The following PRSS16 variants were observed in gnomAD, a reference collection of about 807,000 sequenced individuals.
PRSS16 encodes serine protease 16.
PRSS16 carries 43 observed loss-of-function variants against 61.7 expected under a neutral mutation model. That is an observed-to-expected ratio of 0.70 (90% CI 0.55 to 0.90). The LOEUF (loss-of-function observed/expected upper bound fraction) is 0.90, where lower values mean the gene tolerates loss of function less well. PRSS16 is among the 40% of genes least tolerant of loss of function. PRSS16 has a pLI of 0.00. For synonymous variants in PRSS16, 273 were observed against 285.2 expected (o/e 0.96, Z 0.43); for missense variants, 591 against 659.1 (o/e 0.90, Z 1.13).
intron 9 of PRSS16, 178 bp downstream of exon 9, chr6:27,253,127 C>T (rs1473117687): frequency 1.1e-5 from 8 of 713,766 alleles, no homozygotes; most frequent in Non-Finnish European, 1.9e-5. Context: ...GTGCTTGGCC[C>T]TCACATGCCT....
rs373151700 is a variant in PRSS16 at position 27,247,862 on chromosome 6, C to G, written c.71-20C>G. 6.2e-6 allele frequency: 10 copies of G among 1,612,390 alleles called. No individual in the cohort carries two copies. The highest frequency in any genetic ancestry group is 8.5e-6 in the Non-Finnish European group (10 of 1,179,286). On this transcript the variant is annotated intron_variant, in intron 1 of 11. Transcript: ENST00000230582. ...ATCCTAAGGGGGCCAGCCTGACTTC[C>G]TTCCCTCCATGTCCCACAGCCTCCC... is the stretch of plus-strand genomic sequence containing the variant.
chr6:27,252,032 G>T lies in PRSS16; in HGVS notation c.1000G>T (p.Ala334Ser), dbSNP rs913362432. 4 of 1,536,258 alleles carry T rather than the reference G, an allele frequency of 2.6e-6. No individual in the cohort carries two copies. The highest frequency in any genetic ancestry group is 3.5e-6 in the Non-Finnish European group (4 of 1,145,346). Residue 334 changes from alanine (A) to serine (S), a missense_variant, in exon 8 of 12, where the codon GCG becomes TCG. Coordinates refer to ENST00000230582, the MANE Select transcript of PRSS16 (RefSeq NM_005865.4). This position sits in a 1 kb window ranked among gnomAD's most constrained non-coding sequence, Gnocchi z 4.2. ...CACGCCCTACTGCGGGCTTCGTCGG[G>T]CGGTGCAGGTGAGCACTCCCTGGCA... ...HSTPYCGLRR[A>S]VQIVLHSLGQ...
At position 27,251,896 on chromosome 6, in the gene PRSS16, G is replaced by A. The variant is rs775040643; in HGVS notation, c.864G>A (p.Leu288=). Residue 288 remains leucine (L), a synonymous_variant, in exon 8 of 12, where the codon CTG becomes CTA. Transcript: ENST00000230582. The surrounding 1 kb of genome is among the most constrained non-coding windows in gnomAD (Gnocchi z 5.6). The part of the protein sequence containing the change: ...AENQAELLGA[L]QALVGGVVQY... ...ACCAGGCGGAGCTGTTGGGGGCGCT[G>A]CAGGCACTGGTGGGAGGTGTAGTGC... 8.1e-6 allele frequency: 13 copies of A among 1,613,406 alleles called. No individual in the cohort carries two copies. The highest frequency in any genetic ancestry group is 1.1e-5 in the Non-Finnish European group (13 of 1,179,802).
At position 27,249,133 on chromosome 6, in the gene PRSS16, C is replaced by G; in HGVS notation, c.371C>G (p.Ala124Gly). ...GCAGCCTTGGCCCCAGCCTGGGGCG[C>G]CCTGGTGATAAGCCTGGAACACAGA... ...HPAALAPAWGALVISLEHRFY... is the reference protein window; with the variant it reads ...HPAALAPAWGGLVISLEHRFY... Residue 124 changes from alanine to glycine, a missense_variant, in exon 4 of 12, where the codon GCC becomes GGC. Ala to Gly is a moderately conservative substitution (Grantham distance 60). Coordinates refer to ENST00000230582, the MANE Select transcript of PRSS16 (RefSeq NM_005865.4). 16 of 1,602,112 alleles carry G rather than the reference C, an allele frequency of 1.0e-5. No individual in the cohort carries two copies. The highest frequency in any genetic ancestry group is 1.4e-5 in the Non-Finnish European group (16 of 1,175,486).
At chr6:27,250,609 G>A (rs1759856567) in intron 4 of PRSS16, 74 bp from the exon 5 acceptor site, 1 of 1,506,612 alleles carries the variant, frequency 6.6e-7, no homozygotes, top group East Asian at 2.4e-5. Flanking sequence ...CTGGATCCGG[G>A]TTTCCCCCAG....
chr6:27,248,858 G>A lies in PRSS16; in HGVS notation c.249G>A (p.Val83=). Residue 83 remains valine (V), a synonymous_variant, in exon 3 of 12, where the codon GTG becomes GTA. Coordinates refer to ENST00000230582, the MANE Select transcript of PRSS16 (RefSeq NM_005865.4). ...ATCCCACCTCTCAGCGTTACTGGGTGAATGACCAACATTGGGTTGGCCAGG... is the reference window on the plus strand; with the variant it reads ...ATCCCACCTCTCAGCGTTACTGGGTAAATGACCAACATTGGGTTGGCCAGG... ...DRRSFLQRYW[V]NDQHWVGQDG... is the part of the protein sequence containing the mutation. The A allele has an allele frequency of 6.2e-7, 1 of 1,609,104 alleles. No individual in the cohort carries two copies. The highest frequency in any genetic ancestry group is 8.5e-7 in the Non-Finnish European group (1 of 1,177,162).
rs1410189107 is a variant in PRSS16, at chr6:27,251,912, G to A, written c.880G>A (p.Gly294Ser). The change falls in exon 8 of 12, where the codon GGT (glycine) becomes AGT (serine). Residue 294 changes from glycine to serine, a missense_variant. Physicochemically the swap from Gly to Ser is moderately conservative, Grantham distance 56. Transcript: ENST00000230582. The surrounding 1 kb of genome is among the most constrained non-coding windows in gnomAD (Gnocchi z 5.6). Reference sequence around the variant, plus strand: ...GGGGGCGCTGCAGGCACTGGTGGGAGGTGTAGTGCAGTATGATGGGCAGAC... The same window carrying A: ...GGGGGCGCTGCAGGCACTGGTGGGAAGTGTAGTGCAGTATGATGGGCAGAC... ...LLGALQALVG[G>S]VVQYDGQTGA... 1.9e-6 allele frequency: 3 copies of A among 1,613,310 alleles called. No homozygotes were observed. Among genetic ancestry groups the A allele is most frequent in the Non-Finnish European group, 1.7e-6 (2 of 1,179,800 alleles).
In PRSS16 at chr6:27,250,813, C is replaced by A. The variant is rs771687978; in HGVS notation, c.591+7C>A. On this transcript the variant is annotated splice_region_variant and intron_variant, in intron 5 of 11. Coordinates refer to ENST00000230582, the MANE Select transcript of PRSS16 (RefSeq NM_005865.4). The stretch of plus-strand genomic sequence containing the variant: ...CGCCTGGGCCCGGCTGAAGGTCCTG[C>A]GACTCCTCCGGGTGGGCTGGGGGGA... 1.2e-6 allele frequency: 2 copies of A among 1,603,426 alleles called. No individual in the cohort carries two copies. The highest frequency in any genetic ancestry group is 1.7e-5 in the Admixed American group (1 of 58,928).
Position 27,247,766 on chromosome 6 carries a change from G to T in PRSS16, c.29G>T (p.Gly10Val). Residue 10 changes from glycine (G) to valine (V), a missense_variant, in exon 1 of 12, where the codon GGC becomes GTC. By Grantham distance (109) the Gly-to-Val change is moderately radical. Transcript: ENST00000230582. The stretch of plus-strand genomic sequence containing the variant: ...GCCGTCTGGCTTGCCCAGTGGCTGG[G>T]CCCTCTGCTCTTGGTTTCCCTCTGG... MAVWLAQWL[G>V]PLLLVSLWGL... 6.3e-7 allele frequency: 1 copy of T among 1,591,870 alleles called. No individual in the cohort carries two copies. Among genetic ancestry groups the T allele is most frequent in the Non-Finnish European group, 8.6e-7 (1 of 1,169,546 alleles).
At position 27,251,997 on chromosome 6, in the gene PRSS16, G is replaced by A. The variant is rs201343810; in HGVS notation, c.965G>A (p.Arg322His). Residue 322 changes from arginine to histidine, a missense_variant, in exon 8 of 12, where the codon CGC becomes CAC. Transcript: ENST00000230582. The surrounding 1 kb of genome is among the most constrained non-coding windows in gnomAD (Gnocchi z 5.6). ...CTTCTCCTCGGGGGCGGGGGCAACCGCAGCCACTCCACGCCCTACTGCGGG... is the reference window on the plus strand; with the variant it reads ...CTTCTCCTCGGGGGCGGGGGCAACCACAGCCACTCCACGCCCTACTGCGGG... The part of the protein sequence containing the change: ...CGLLLGGGGN[R>H]SHSTPYCGLR... The A allele has an allele frequency of 3.8e-6, 6 of 1,579,922 alleles. No individual in the cohort carries two copies. The Admixed American group carries it at 9.2e-5, about 24-fold the overall frequency.
At position 27,252,829 on chromosome 6, in the gene PRSS16, C is replaced by A; in HGVS notation, c.1030C>A (p.Gln344Lys). 6.2e-7 allele frequency: 1 copy of A among 1,614,034 alleles called. No individual in the cohort carries two copies. Among genetic ancestry groups the A allele is most frequent in the Non-Finnish European group, 8.5e-7 (1 of 1,180,020 alleles). ...CTAGATTGTCTTGCACAGCCTGGGC[C>A]AGAAGTGTTTAAGCTTTTCCCGAGC... ...AVQIVLHSLG[Q>K]KCLSFSRAET... Residue 344 changes from glutamine to lysine, a missense_variant, in exon 9 of 12, where the codon CAG becomes AAG. By Grantham distance (53) the Gln-to-Lys change is moderately conservative. Coordinates refer to ENST00000230582, the MANE Select transcript of PRSS16 (RefSeq NM_005865.4). This position sits in a 1 kb window ranked among gnomAD's most constrained non-coding sequence, Gnocchi z 4.2.
Position 27,247,791 on chromosome 6 carries a change from G to C in PRSS16, c.54G>C (p.Trp18Cys). Reference protein sequence around the residue: ...WLGPLLLVSLWGLLAPASLLR... With the variant: ...WLGPLLLVSLCGLLAPASLLR... ...GCCCTCTGCTCTTGGTTTCCCTCTG[G>C]GGACTCTTGGCTCCAGGTAAGAGGA... The change falls in exon 1 of 12, where the codon TGG becomes TGC. Residue 18 changes from tryptophan to cysteine, a missense_variant. Transcript: ENST00000230582. 1 of 1,609,120 alleles carries C rather than the reference G, an allele frequency of 6.2e-7. No individual in the cohort carries two copies.
chr6:27,248,169 G>A, intron 2 of PRSS16, 121 bp downstream of exon 2: 1 of 1,196,510 alleles, frequency 8.4e-7, no homozygotes, highest in Non-Finnish European at 1.1e-6. Context: ...CCCTCTGCTT[G>A]AATCTCATGT....
chr6:27,252,117 CA>C lies in PRSS16; in HGVS notation c.1008+79del. On this transcript the variant is annotated intron_variant, in intron 8 of 11. Coordinates refer to ENST00000230582, the MANE Select transcript of PRSS16 (RefSeq NM_005865.4). The surrounding 1 kb of genome is among the most constrained non-coding windows in gnomAD (Gnocchi z 4.2). The stretch of plus-strand genomic sequence containing the variant: ...CCCACTTCCGTTGTGTGATCTTGGG[CA>C]AGCGAGAACCTTCTCTGAAACTTCG... The C allele has an allele frequency of 7.1e-7, 1 of 1,399,752 alleles. No individual in the cohort carries two copies. 86.7% of individuals were successfully genotyped at this position (1,399,752 alleles called of 1,614,324 possible).
Position 27,255,390 on chromosome 6 carries a change from G to T in PRSS16, c.*75G>T. ...CTTGTTCACTGAACAAAAGAAAGCA[G>T]CTTGTTTTGAAAGAAGAAACTCCCA... On this transcript the variant is annotated 3_prime_UTR_variant, in exon 12 of 12. Coordinates refer to ENST00000230582, the MANE Select transcript of PRSS16 (RefSeq NM_005865.4). The surrounding 1 kb of genome is among the most constrained non-coding windows in gnomAD (Gnocchi z 4.4). The T allele has an allele frequency of 7.0e-7, 1 of 1,424,000 alleles. No homozygotes were observed. Among genetic ancestry groups the T allele is most frequent in the Non-Finnish European group, 9.6e-7 (1 of 1,044,176 alleles). The allele number at this position is 1,424,000 out of a possible 1,614,324, so 88.2% of individuals were successfully genotyped here.
intron 4 of PRSS16, 52 bp downstream of exon 4, chr6:27,249,281 C>T: frequency 6.3e-7 from 1 of 1,580,004 alleles, no homozygotes; most frequent in South Asian, 1.2e-5. Context: ...AATGTCTGTG[C>T]TTTGGCATCT....
At chr6:27,254,046 G>C (rs1048659710) in intron 9 of PRSS16, 2 of 152,470 alleles carry the variant, frequency 1.3e-5, no homozygotes, top group African/African-American at 4.8e-5. Context: ...TGCCACCTCC[G>C]ACTTCGATAG....
chr6:27,249,380 GT>G, intron 4 of PRSS16, 151 bp downstream of exon 4: 1 of 1,006,032 alleles, frequency 9.9e-7, no homozygotes, highest in Non-Finnish European at 1.4e-6. Context: ...ATAGGGTCTT[GT>G]TTTTTCTCTT....
In PRSS16 at chr6:27,248,848, G is replaced by A. The variant is rs1325607925; in HGVS notation, c.239G>A (p.Arg80His). 12 of 1,601,274 alleles carry A rather than the reference G, an allele frequency of 7.5e-6. No homozygotes were observed. The highest frequency in any genetic ancestry group is 2.2e-5 in the East Asian group (1 of 44,746). Reference sequence around the variant, plus strand: ...CTTCTTCCCCATCCCACCTCTCAGCGTTACTGGGTGAATGACCAACATTGG... The same window carrying A: ...CTTCTTCCCCATCCCACCTCTCAGCATTACTGGGTGAATGACCAACATTGG... ...NVSDRRSFLQ[R>H]YWVNDQHWVG... is the part of the protein sequence containing the mutation. Residue 80 changes from arginine (R) to histidine (H), a missense_variant and splice_region_variant, in exon 3 of 12, where the codon CGT becomes CAT. Physicochemically the swap from Arg to His is conservative, Grantham distance 29 (BLOSUM62 0). Coordinates refer to ENST00000230582, the MANE Select transcript of PRSS16 (RefSeq NM_005865.4).
Sources: allele counts gnomAD v4.1 joint callset, GRCh38; gene constraint gnomAD v4.1.1; non-coding constraint Gnocchi (gnomAD v3.1); transcripts MANE v1.5; gene names NCBI Gene and HGNC (gene_info 2026-07-23, HGNC 2026-07-21).